RNF125: variants seen among roughly 807,000 people sequenced by gnomAD.
RNF125 encodes E3 ubiquitin-protein ligase RNF125.
A neutral mutation model predicts 26.0 loss-of-function variants in RNF125; 21 were observed. The observed-to-expected ratio is 0.81, with a 90% CI of 0.57 to 1.16. The LOEUF is 1.16. Ranked by LOEUF, RNF125 falls within the 50% of genes most tolerant of loss-of-function variation. The pLI is 0.00. For synonymous variants in RNF125, 95 were observed against 109.2 expected, an observed-to-expected ratio of 0.87 and a Z score of 0.81; for missense variants, 270 against 299.4, an observed-to-expected ratio of 0.90 and a Z score of 0.72.
At chr18:32,063,693 T>G (rs1344494802) in intron 4 of RNF125, among the ~76,000 whole-genome samples, 1 of 152,048 alleles carries the variant, frequency 6.6e-6, no homozygotes, top group African/African-American at 2.4e-5. Flanking sequence ...ACAAAATAAA[T>G]GGATAAGCAG....
chr18:32,056,446 A>C (rs926209959), intron 4 of RNF125, among the ~76,000 whole-genome samples: 1 of 151,728 alleles, frequency 6.6e-6, no homozygotes, highest in African/African-American at 2.4e-5. Flanking sequence ...ACCACCCCCC[A>C]TGTCTACTAA....
chr18:32,030,101 G>A (rs2144444528), intron 1 of RNF125, among the ~76,000 whole-genome samples: 1 of 152,260 alleles, frequency 6.6e-6, no homozygotes, highest in South Asian at 2.1e-4. Context: ...CTGGAGTGCA[G>A]TGATGCGATC....
At chr18:32,053,743 G>T (rs2039351708) in intron 4 of RNF125, among the ~76,000 whole-genome samples, 2 of 151,840 alleles carry the variant, frequency 1.3e-5, no homozygotes, top group African/African-American at 4.9e-5. Context: ...ACTCCAGCCT[G>T]GGTGATGGGA....
the RNF125 span, among the ~76,000 whole-genome samples, chr18:32,082,804 A>G: frequency 6.6e-6 from 1 of 152,188 alleles, no homozygotes; most frequent in Non-Finnish European, 1.5e-5. Flanking sequence ...ATTCATTGAA[A>G]CCAATGTCCC....
chr18:32,074,843 C>T (rs1398850559), downstream of RNF125, among the ~76,000 whole-genome samples: 1 of 151,996 alleles, frequency 6.6e-6, no homozygotes, highest in Non-Finnish European at 1.5e-5. Flanking sequence ...ACGCCTGGCC[C>T]TGCCATGGTA....
chr18:32,050,649 T>G (rs2039314730), intron 4 of RNF125, among the ~76,000 whole-genome samples: 1 of 152,070 alleles, frequency 6.6e-6, no homozygotes, highest in African/African-American at 2.4e-5. Context: ...ATTTATTTTT[T>G]TAAATAATAA....
chr18:32,032,731 C>T (rs2039110527), intron 1 of RNF125, among the ~76,000 whole-genome samples: 1 of 152,056 alleles, frequency 6.6e-6, no homozygotes, highest in Admixed American at 6.6e-5. Context: ...GTGGCTCACG[C>T]CTGTATAATC....
chr18:32,020,712 C>G (rs182586857), intron 1 of RNF125, among the ~76,000 whole-genome samples: 7 of 151,678 alleles, frequency 4.6e-5, no homozygotes, highest in African/African-American at 1.7e-4. Context: ...AGTTCGAGAC[C>G]AGCCTGGCCG....
the RNF125 span, among the ~76,000 whole-genome samples, chr18:32,081,904 T>TG: frequency 6.6e-6 from 1 of 152,162 alleles, no homozygotes; most frequent in Non-Finnish European, 1.5e-5. Flanking sequence ...AAAAGGAAGT[T>TG]GGGAATTGAG....
intron 1 of RNF125, among the ~76,000 whole-genome samples, chr18:32,023,350 G>A (rs1015196337): frequency 6.6e-6 from 1 of 152,010 alleles, no homozygotes; most frequent in Non-Finnish European, 1.5e-5. Flanking sequence ...GCAGGGTTTC[G>A]CCATTTTGCC....
chr18:32,037,504 C>G (rs1254872018), intron 2 of RNF125, among the ~76,000 whole-genome samples: 1 of 151,304 alleles, frequency 6.6e-6, no homozygotes, highest in Non-Finnish European at 1.5e-5. Context: ...TCTCGAGTAG[C>G]TGGGTCTACA....
At chr18:32,084,427 G>T in the RNF125 span, among the ~76,000 whole-genome samples, 89 of 152,294 alleles carry the variant, frequency 5.8e-4, no homozygotes, top group African/African-American at 2.0e-3. Context: ...TTGATTTGTT[G>T]AAATCTATTC....
the RNF125 span, among the ~76,000 whole-genome samples, chr18:32,080,609 G>C: frequency 2.6e-5 from 4 of 152,208 alleles, no homozygotes; most frequent in Admixed American, 6.5e-5. Context: ...GTTGTTCATG[G>C]GTATGGAGTT....
chr18:32,083,005 TAG>T, the RNF125 span, among the ~76,000 whole-genome samples: 1 of 152,234 alleles, frequency 6.6e-6, no homozygotes, highest in Non-Finnish European at 1.5e-5. Flanking sequence ...TTGTTGGCAA[TAG>T]AGCTCTCACT....
At chr18:32,076,615 T>C (rs1438662861), downstream of RNF125, among the ~76,000 whole-genome samples, 2 of 152,150 alleles carry the variant, frequency 1.3e-5, no homozygotes, top group African/African-American at 4.8e-5. Flanking sequence ...CCGGCCTCCA[T>C]TATTATGAGA....
chr18:32,041,584 T>A (rs568893332), intron 2 of RNF125, among the ~76,000 whole-genome samples: 2 of 150,578 alleles, frequency 1.3e-5, no homozygotes, highest in South Asian at 4.2e-4. Flanking sequence ...TAAATTTGAG[T>A]CACCACACAT....
At chr18:32,082,045 C>T in the RNF125 span, among the ~76,000 whole-genome samples, 4 of 152,108 alleles carry the variant, frequency 2.6e-5, no homozygotes, top group Admixed American at 6.6e-5. Flanking sequence ...TCCTGGCAAC[C>T]GGAGTGGGAA....
intron 3 of RNF125, among the ~76,000 whole-genome samples, chr18:32,045,118 C>CAA (rs1189548121): frequency 6.1e-5 from 7 of 115,256 alleles, no homozygotes; most frequent in African/African-American, 2.0e-4. Flanking sequence ...ACTCCCTCTC[C>CAA]AAAAAAAAAA....
intron 1 of RNF125, among the ~76,000 whole-genome samples, chr18:32,035,151 A>G (rs1598812195): frequency 6.6e-6 from 1 of 152,142 alleles, no homozygotes; most frequent in South Asian, 2.1e-4. Context: ...CTGAGACTAT[A>G]TGTAATATAA....
Sources: allele counts gnomAD v4.1 joint callset (sites outside exome capture counted in the v4.1 genomes callset), GRCh38; gene constraint gnomAD v4.1.1; transcripts MANE v1.5; gene names NCBI Gene and HGNC (gene_info 2026-07-23, HGNC 2026-07-21).